DNAH11: variants seen among roughly 807,000 people sequenced by gnomAD.
The protein encoded by DNAH11 is dynein axonemal heavy chain 11, also known as axonemal beta dynein heavy chain 11.
In DNAH11, 442 loss-of-function variants were observed where a neutral mutation model predicts 526.0. The ratio of observed to expected loss-of-function variants is 0.84; its 90% confidence interval spans 0.78 to 0.91. DNAH11 has a LOEUF of 0.91. Ranked by LOEUF, DNAH11 falls within the 40% of genes least tolerant of loss-of-function variation. The pLI is 0.00. For synonymous variants in DNAH11, 2,461 were observed against 1,935.9 expected, an observed-to-expected ratio of 1.27 and a Z score of -7.12; for missense variants, 6,989 against 5,448.7, an observed-to-expected ratio of 1.28 and a Z score of -8.90.
chr7:21,645,688 T>C (rs1787323968), intron 28 of DNAH11, among the ~76,000 whole-genome samples: 1 of 149,752 alleles, frequency 6.7e-6, no homozygotes, highest in African/African-American at 2.5e-5. Context: ...TATCTAAAAA[T>C]CAGATATCTA....
At chr7:21,747,511 A>G (rs899826861) in intron 51 of DNAH11, among the ~76,000 whole-genome samples, 8 of 152,208 alleles carry the variant, frequency 5.3e-5, no homozygotes, top group Admixed American at 6.5e-5. Context: ...TGGTTTTCTT[A>G]ATATTTATAA....
At position 21,589,228 on chromosome 7, in the gene DNAH11, A is replaced by C. The variant is rs1225311923; in HGVS notation, c.1994A>C (p.His665Pro). Residue 665 changes from histidine to proline, a missense_variant, in exon 12 of 82, where the codon CAC becomes CCC. By Grantham distance (77) the His-to-Pro change is moderately conservative. Transcript: ENST00000409508. ...TACAGATTTTTGGGCAATCCTGATC[A>C]CGCTTTAGTTTATCAAAAGTATGTT... ...LRYLFLGNPD[H>P]ALVYQKYVEM... 1.9e-6 allele frequency: 3 copies of C among 1,604,980 alleles called. No homozygotes were observed. The highest frequency in any genetic ancestry group is 2.5e-6 in the Non-Finnish European group (3 of 1,177,698).
chr7:21,840,437 A>G lies in DNAH11; in HGVS notation c.10692-2107A>G, dbSNP rs187681865. Reference sequence around the variant, plus strand: ...AAATATTTTATACACTTAATAATGAAGAATCCAAAATTTTCATATGTAAGG... The same window carrying G: ...AAATATTTTATACACTTAATAATGAGGAATCCAAAATTTTCATATGTAAGG... On this transcript the variant is annotated intron_variant, in intron 65 of 81. Transcript: ENST00000409508. Among the ~76,000 whole-genome samples the G allele has an allele frequency of 2.1e-3, 317 of 152,344 alleles. 1 individual carries two copies. The highest frequency in any genetic ancestry group is 7.3e-3 in the African/African-American group (303 of 41,582).
At chr7:21,886,995 T>C (rs1583813072) in intron 76 of DNAH11, among the ~76,000 whole-genome samples, 1 of 152,224 alleles carries the variant, frequency 6.6e-6, no homozygotes, top group Non-Finnish European at 1.5e-5. Context: ...TTTGTTCTCA[T>C]GCACGTTTCT....
chr7:21,845,737 T>G (rs1179785523), intron 66 of DNAH11, among the ~76,000 whole-genome samples: 1 of 152,192 alleles, frequency 6.6e-6, no homozygotes, highest in Non-Finnish European at 1.5e-5. Context: ...TAGAATCAGA[T>G]TTTCAACATC....
chr7:21,792,407 T>C (rs1019044204), intron 61 of DNAH11, among the ~76,000 whole-genome samples: 2 of 152,262 alleles, frequency 1.3e-5, no homozygotes, highest in Non-Finnish European at 2.9e-5. Flanking sequence ...TGTCAGGTAA[T>C]GCAGGTCTCA....
chr7:21,868,885 T>C lies in DNAH11; in HGVS notation c.11861T>C (p.Ile3954Thr), dbSNP rs1473759582. The C allele has an allele frequency of 1.9e-5, 31 of 1,613,998 alleles. No homozygotes were observed. The highest frequency in any genetic ancestry group is 2.5e-5 in the Non-Finnish European group (29 of 1,179,874). The change falls in exon 73 of 82, where the codon ATT becomes ACT. Residue 3954 changes from isoleucine to threonine, a missense_variant. Coordinates refer to ENST00000409508, the MANE Select transcript of DNAH11 (RefSeq NM_001277115.2). ...ACAGGCAAAAGACTTGGCTTTACAATTGACTCTGGAAAATTCCACAATGTG... is the reference window on the plus strand; with the variant it reads ...ACAGGCAAAAGACTTGGCTTTACAACTGACTCTGGAAAATTCCACAATGTG... ...EILGKRLGFT[I>T]DSGKFHNVSL...
intron 45 of DNAH11, among the ~76,000 whole-genome samples, chr7:21,731,155 A>G (rs988539337): frequency 2.0e-5 from 3 of 152,150 alleles, no homozygotes; most frequent in Non-Finnish European, 4.4e-5. Flanking sequence ...AAAAAAAAAA[A>G]CTATGTGAAT....
At chr7:21,571,123 C>T (rs1783869808) in intron 7 of DNAH11, among the ~76,000 whole-genome samples, 1 of 152,098 alleles carries the variant, frequency 6.6e-6, no homozygotes, top group Non-Finnish European at 1.5e-5. Flanking sequence ...CCTGGGCTCG[C>T]TTTCAATAAA....
At chr7:21,866,362 T>A in intron 70 of DNAH11, 108 bp from the exon 71 acceptor site, 4 of 956,338 alleles carry the variant, frequency 4.2e-6, no homozygotes, top group Non-Finnish European at 6.1e-6. Context: ...GAGTGAATAC[T>A]ATCCAGCACA....
rs540302354 is a variant in DNAH11, at chr7:21,591,640, A to G, written c.2667+63A>G. On this transcript the variant is annotated intron_variant, in intron 14 of 81. Coordinates refer to ENST00000409508, the MANE Select transcript of DNAH11 (RefSeq NM_001277115.2). ...TCATTGAGTTCAGAGAAGAGCAAAA[A>G]TCTTTAACCTAATAATGTGGGACTC... The G allele has an allele frequency of 4.2e-6, 6 of 1,415,284 alleles. No homozygotes were observed. In the African/African-American group the frequency reaches 8.5e-5, roughly 20 times the overall value. 87.7% of individuals were successfully genotyped at this position (1,415,284 alleles called of 1,614,324 possible). A position where few individuals can be genotyped will look rare whatever the true frequency, so the allele number is the denominator to read the frequency against.
intron 41 of DNAH11, 142 bp downstream of exon 41, chr7:21,710,845 T>G: frequency 1.1e-6 from 1 of 879,094 alleles, no homozygotes. Context: ...AGTGTTGCTT[T>G]CCTGATAATT....
At chr7:21,762,995 A>G (rs2390553) in intron 54 of DNAH11, among the ~76,000 whole-genome samples, 132,869 of 151,776 alleles carry the variant, frequency 0.88, 58,562 homozygotes, top group Non-Finnish European at 0.92. Context: ...ATTAATTCAC[A>G]TTTTAAAATC....
chr7:21,623,039 A>G (rs970753948), intron 25 of DNAH11, among the ~76,000 whole-genome samples: 2 of 151,922 alleles, frequency 1.3e-5, no homozygotes, highest in African/African-American at 4.8e-5. Flanking sequence ...GCAACCTACA[A>G]AATGGGAGAA....
intron 8 of DNAH11, among the ~76,000 whole-genome samples, chr7:21,575,078 T>C (rs1583494307): frequency 6.6e-6 from 1 of 152,082 alleles, no homozygotes; most frequent in South Asian, 2.1e-4. Flanking sequence ...TTTTCCACCA[T>C]GTTGGCCAGG....
intron 55 of DNAH11, among the ~76,000 whole-genome samples, chr7:21,767,167 T>C (rs1046769784): frequency 2.6e-5 from 4 of 152,174 alleles, no homozygotes; most frequent in African/African-American, 9.6e-5. Flanking sequence ...ACAAGAAGGG[T>C]TCAAAATGCT....
At chr7:21,873,779 G>A (rs1345179819) in intron 74 of DNAH11, among the ~76,000 whole-genome samples, 2 of 86,680 alleles carry the variant, frequency 2.3e-5, no homozygotes, top group East Asian at 5.7e-4. Flanking sequence ...TTCTTGAGGA[G>A]GTTGCTTTTT....
At chr7:21,860,860 C>T (rs1471032248) in intron 68 of DNAH11, among the ~76,000 whole-genome samples, 2 of 152,160 alleles carry the variant, frequency 1.3e-5, no homozygotes, top group African/African-American at 4.8e-5. Flanking sequence ...AAAGGCACTT[C>T]TTACATGGCA....
In DNAH11 at chr7:21,742,084, A is replaced by G. The variant is rs183682756; in HGVS notation, c.8072A>G (p.Gln2691Arg). Residue 2691 changes from glutamine (Q) to arginine (R), a missense_variant, in exon 49 of 82, where the codon CAG (glutamine) becomes CGG (arginine). Physicochemically the swap from Gln to Arg is conservative, Grantham distance 43 (BLOSUM62 1). Coordinates refer to ENST00000409508, the MANE Select transcript of DNAH11 (RefSeq NM_001277115.2). ...ATCCAGGCAACAATAGCATTCCATCAGACAATGATGTGTAACTTTTTACCC... is the reference window on the plus strand; with the variant it reads ...ATCCAGGCAACAATAGCATTCCATCGGACAATGATGTGTAACTTTTTACCC... The part of the protein sequence containing the change: ...TLIQATIAFH[Q>R]TMMCNFLPTA... The G allele has an allele frequency of 2.5e-4, 396 of 1,613,982 alleles. 2 individuals are homozygous for G. The Middle Eastern group carries it at 5.3e-3, about 22-fold the overall frequency.
Sources: allele counts gnomAD v4.1 joint callset (sites outside exome capture counted in the v4.1 genomes callset), GRCh38; gene constraint gnomAD v4.1.1; transcripts MANE v1.5; gene names NCBI Gene and HGNC (gene_info 2026-07-23, HGNC 2026-07-21).